MED25: variants seen among roughly 807,000 people sequenced by gnomAD.
MED25 encodes mediator of RNA polymerase II transcription subunit 25.
A neutral mutation model predicts 89.4 loss-of-function variants in MED25; 62 were observed. The observed-to-expected ratio is 0.69, with a 90% confidence interval of 0.57 to 0.86. The LOEUF is 0.86. Ranked by LOEUF, MED25 falls within the 40% of genes least tolerant of loss-of-function variation. MED25 has a pLI of 0.00. For synonymous variants in MED25, 449 were observed against 427.9 expected, an observed-to-expected ratio of 1.05 and a Z score of -0.61; for missense variants, 905 against 1,005.2, an observed-to-expected ratio of 0.90 and a Z score of 1.35.
At chr19:49,819,992 ATTTTTTTTT>A (rs34513218) in intron 3 of MED25, 1 of 140,076 alleles carries the variant, frequency 7.1e-6, no homozygotes, top group African/African-American at 2.7e-5. Flanking sequence ...TGCCCAGCTA[ATTTTTTTTT>A]TTTTTTTTGT....
rs935623713 is a variant in MED25 at position 49,836,709 on chromosome 19, G to C, written c.2147-138G>C. The C allele has an allele frequency of 3.9e-6, 3 of 759,818 alleles. No homozygotes were observed. In the East Asian group the frequency reaches 8.0e-5, roughly 20 times the overall value. The allele number at this position is 759,818 out of a possible 1,614,324, so 47.1% of individuals were successfully genotyped here. ...GGCCCCCAAAGGCTCATGGGAAACA[G>C]CATATTTGTAACTAGATGGGGCCAG... On this transcript the variant is annotated intron_variant, in intron 17 of 17. Transcript: ENST00000312865. The surrounding 1 kb of genome is among the most constrained non-coding windows in gnomAD (Gnocchi z 5.1).
Position 49,836,178 on chromosome 19 carries a change from G to A in MED25, c.1966-48G>A. On this transcript the variant is annotated intron_variant, in intron 16 of 17. Coordinates refer to ENST00000312865, the MANE Select transcript of MED25 (RefSeq NM_030973.4). The surrounding 1 kb of genome is among the most constrained non-coding windows in gnomAD (Gnocchi z 5.1). ...CTGAGCAGTGTCTGTGTTGAGAGGT[G>A]GGGAGTCTCTACCAGGAGCCTCTGA... The A allele has an allele frequency of 1.3e-6, 2 of 1,589,408 alleles. No homozygotes were observed. The highest frequency in any genetic ancestry group is 1.7e-5 in the Admixed American group (1 of 59,600).
At chr19:49,828,121 C>T (rs1041271194) in intron 3 of MED25, among the ~76,000 whole-genome samples, 3 of 151,530 alleles carry the variant, frequency 2.0e-5, no homozygotes, top group Non-Finnish European at 2.9e-5. Flanking sequence ...CCCAGCTACT[C>T]GGGAGACTGA....
At chr19:49,838,774 A>G (rs966868215), downstream of MED25, 1 of 455,442 alleles carries the variant, frequency 2.2e-6, no homozygotes, top group Non-Finnish European at 4.4e-6. Context: ...CACAGAACAG[A>G]CTCGAGATGC....
chr19:49,835,793 C>A lies in MED25; in HGVS notation c.1813C>A (p.Pro605Thr). ...AGGGGCCTCTGGGGCCACGGGGCAG[C>A]CCCAGCCCCAAGGTACTGCCCAGCC... ...TVGASGATGQ[P>T]QPQGTAQPPP... Residue 605 changes from proline to threonine, a missense_variant, in exon 16 of 18, where the codon CCC becomes ACC. Physicochemically the swap from Pro to Thr is conservative, Grantham distance 38. This residue lies in a region of MED25 where 271 missense variants were observed against 258.1 expected (regional missense o/e 1.05). Coordinates refer to ENST00000312865, the MANE Select transcript of MED25 (RefSeq NM_030973.4). This position sits in a 1 kb window ranked among gnomAD's most constrained non-coding sequence, Gnocchi z 6.2. 6.2e-7 allele frequency: 1 copy of A among 1,606,034 alleles called. No individual in the cohort carries two copies. Among genetic ancestry groups the A allele is most frequent in the South Asian group, 1.1e-5 (1 of 90,782 alleles).
At chr19:49,828,884 A>G (rs2074033205) in intron 4 of MED25, 86 bp from the exon 5 acceptor site, 2 of 1,590,062 alleles carry the variant, frequency 1.3e-6, no homozygotes, top group Admixed American at 3.5e-5. Flanking sequence ...GAGGCGGAAT[A>G]TGTGCATCTC....
At chr19:49,839,011 T>G, downstream of MED25, 1 of 338,666 alleles carries the variant, frequency 3.0e-6, no homozygotes, top group Non-Finnish European at 5.8e-6. Flanking sequence ...AACGGGCATT[T>G]GCGTTGCACA....
rs1187386138 is a variant in MED25 at position 49,829,395 on chromosome 19, C to T, written c.525+305C>T. Reference sequence around the variant, plus strand: ...CAGGGTTCAAGCAATTCTCATGTTTCAGCCTCCCGAGTAGCTGGGATTATA... The same window carrying T: ...CAGGGTTCAAGCAATTCTCATGTTTTAGCCTCCCGAGTAGCTGGGATTATA... On this transcript the variant is annotated intron_variant, in intron 5 of 17. Coordinates refer to ENST00000312865, the MANE Select transcript of MED25 (RefSeq NM_030973.4). The surrounding 1 kb of genome is among the most constrained non-coding windows in gnomAD (Gnocchi z 4.6). Among the ~76,000 whole-genome samples, 1 of 152,178 alleles carries T rather than the reference C, an allele frequency of 6.6e-6. No homozygotes were observed. Among genetic ancestry groups the T allele is most frequent in the Non-Finnish European group, 1.5e-5 (1 of 68,040 alleles).
intron 3 of MED25, chr19:49,819,606 A>G (rs1184856302): frequency 2.6e-6 from 1 of 390,734 alleles, no homozygotes. Context: ...CTGTGTGCTC[A>G]GCAATGTTGC....
chr19:49,831,441 G>A lies in MED25; in HGVS notation c.1210G>A (p.Gly404Arg), dbSNP rs1213960931. 2 of 1,612,408 alleles carry A rather than the reference G, an allele frequency of 1.2e-6. No individual in the cohort carries two copies. Among genetic ancestry groups the A allele is most frequent in the Non-Finnish European group, 1.7e-6 (2 of 1,179,434 alleles). The change falls in exon 10 of 18, where the codon GGG (glycine) becomes AGG (arginine). Residue 404 changes from glycine to arginine, a missense_variant. Physicochemically the swap from Gly to Arg is moderately radical, Grantham distance 125 (BLOSUM62 -2). Transcript: ENST00000312865. This position sits in a 1 kb window ranked among gnomAD's most constrained non-coding sequence, Gnocchi z 5.0. ...CTCCAATAAGCTTCTGGCCTGGAGCGGGGTCCTGGAGTGGCAAGAGGTGAG... is the reference window on the plus strand; with the variant it reads ...CTCCAATAAGCTTCTGGCCTGGAGCAGGGTCCTGGAGTGGCAAGAGGTGAG... ...SVSNKLLAWS[G>R]VLEWQEKPKP...
chr19:49,828,349 C>T, intron 3 of MED25, 100 bp from the exon 4 acceptor site: 1 of 834,926 alleles, frequency 1.2e-6, no homozygotes. Flanking sequence ...GGTGCATAGC[C>T]CAGGATAGAG....
In MED25 at chr19:49,836,796, TG is replaced by T; in HGVS notation, c.2147-48del. 6.9e-7 allele frequency: 1 copy of T among 1,442,194 alleles called. No homozygotes were observed. Among genetic ancestry groups the T allele is most frequent in the Non-Finnish European group, 9.7e-7 (1 of 1,031,822 alleles). 89.3% of individuals were successfully genotyped at this position (1,442,194 alleles called of 1,614,324 possible). ...AAAACTTAGTGCCTCTGGGCCCTCC[TG>T]GGCCCAAGGGCCTACTGGGAGATGC... is the stretch of plus-strand genomic sequence containing the variant. On this transcript the variant is annotated intron_variant, in intron 17 of 17. Transcript: ENST00000312865. This position sits in a 1 kb window ranked among gnomAD's most constrained non-coding sequence, Gnocchi z 5.1.
chr19:49,826,449 G>T (rs2074016414), intron 3 of MED25, among the ~76,000 whole-genome samples: 1 of 152,264 alleles, frequency 6.6e-6, no homozygotes, highest in Non-Finnish European at 1.5e-5. Context: ...CAGGGGCTCA[G>T]TGTGCTCACT....
chr19:49,822,640 CTTTTTTTTTTT>C (rs536060694), intron 3 of MED25, among the ~76,000 whole-genome samples: 44 of 68,278 alleles, frequency 6.4e-4, no homozygotes, highest in African/African-American at 2.7e-3. Context: ...CTGTTACATT[CTTTTTTTTTTT>C]TTTTTTTTTT....
At chr19:49,819,530 A>C (rs1027822428) in intron 3 of MED25, 5 of 531,378 alleles carry the variant, frequency 9.4e-6, no homozygotes, top group Admixed American at 9.2e-5. Flanking sequence ...CATCTCATAC[A>C]TTAAGGGATT....
Position 49,835,771 on chromosome 19 carries a change from G to A in MED25, c.1791G>A (p.Gly597=), listed in dbSNP as rs771243472. 6.2e-7 allele frequency: 1 copy of A among 1,609,230 alleles called. No homozygotes were observed. The highest frequency in any genetic ancestry group is 8.5e-7 in the Non-Finnish European group (1 of 1,177,470). ...AGCCCCAGCCTCAGGGTACCGTAGG[G>A]GCCTCTGGGGCCACGGGGCAGCCCC... ...PPQPQPQGTV[G]ASGATGQPQP... The change falls in exon 16 of 18, where the codon GGG becomes GGA. Residue 597 remains glycine (G), a synonymous_variant. Coordinates refer to ENST00000312865, the MANE Select transcript of MED25 (RefSeq NM_030973.4). The surrounding 1 kb of genome is among the most constrained non-coding windows in gnomAD (Gnocchi z 6.2).
chr19:49,831,026 C>G lies in MED25; in HGVS notation c.1101+139C>G, dbSNP rs2074053026. On this transcript the variant is annotated intron_variant, in intron 9 of 17. Coordinates refer to ENST00000312865, the MANE Select transcript of MED25 (RefSeq NM_030973.4). The surrounding 1 kb of genome is among the most constrained non-coding windows in gnomAD (Gnocchi z 5.0). Reference sequence around the variant, plus strand: ...GCTTTGGGGGCTCGTGGTGTGTGTGCTGCAGATGCCTGAGATGAGGGTCTG... The same window carrying G: ...GCTTTGGGGGCTCGTGGTGTGTGTGGTGCAGATGCCTGAGATGAGGGTCTG... 1.0e-6 allele frequency: 1 copy of G among 978,188 alleles called. No individual in the cohort carries two copies. Among genetic ancestry groups the G allele is most frequent in the African/African-American group, 1.6e-5 (1 of 62,980 alleles). 60.6% of individuals were successfully genotyped at this position (978,188 alleles called of 1,614,324 possible). A position where few individuals can be genotyped will look rare whatever the true frequency, so the allele number is the denominator to read the frequency against.
rs1419661432 is a variant in MED25 at position 49,836,701 on chromosome 19, G to A, written c.2147-146G>A. The A allele has an allele frequency of 1.9e-5, 14 of 754,158 alleles. No individual in the cohort carries two copies. Among genetic ancestry groups the A allele is most frequent in the Middle Eastern group, 2.2e-4 (1 of 4,468 alleles). The allele number at this position is 754,158 out of a possible 1,614,324, so 46.7% of individuals were successfully genotyped here. A position where few individuals can be genotyped will look rare whatever the true frequency, so the allele number is the denominator to read the frequency against. On this transcript the variant is annotated intron_variant, in intron 17 of 17. Coordinates refer to ENST00000312865, the MANE Select transcript of MED25 (RefSeq NM_030973.4). The surrounding 1 kb of genome is among the most constrained non-coding windows in gnomAD (Gnocchi z 5.1). ...TGGAGAAGGGCCCCCAAAGGCTCAT[G>A]GGAAACAGCATATTTGTAACTAGAT... is the stretch of plus-strand genomic sequence containing the variant.
Position 49,829,652 on chromosome 19 carries a change from C to A in MED25, c.526-134C>A. The A allele has an allele frequency of 1.0e-6, 1 of 958,542 alleles. No homozygotes were observed. The highest frequency in any genetic ancestry group is 1.6e-6 in the Non-Finnish European group (1 of 643,218). The allele number at this position is 958,542 out of a possible 1,614,324, so 59.4% of individuals were successfully genotyped here. The stretch of plus-strand genomic sequence containing the variant: ...TGATACCTGGTTTCAGGGTCTCCTG[C>A]CTCAAAGCCCAATGGGAATTGTGGT... On this transcript the variant is annotated intron_variant, in intron 5 of 17. Coordinates refer to ENST00000312865, the MANE Select transcript of MED25 (RefSeq NM_030973.4). This position sits in a 1 kb window ranked among gnomAD's most constrained non-coding sequence, Gnocchi z 4.6.
Sources: gnomAD v4.1 joint callset for allele counts (sites outside exome capture counted in the v4.1 genomes callset) on GRCh38, gnomAD v4.1.1 for gene constraint, gnomAD v4.1.1 regional missense constraint, Gnocchi (gnomAD v3.1) non-coding constraint, MANE v1.5 for transcripts, NCBI Gene and HGNC (gene_info 2026-07-23, HGNC 2026-07-21) for gene names.